Variants in NCS1 observed in about 807,000 individuals in gnomAD.
NCS1 encodes neuronal calcium sensor 1.
In NCS1, 6 loss-of-function variants were observed where a neutral mutation model predicts 28.4. The ratio of observed to expected loss-of-function variants is 0.21; its 90% confidence interval spans 0.12 to 0.42. NCS1 has a LOEUF of 0.42. Among genes scored for constraint, NCS1 ranks in the 10% least tolerant of loss-of-function variants. The probability of loss-of-function intolerance (pLI) is 1.00; values close to 1 mark genes in which losing one functional copy is unlikely to be tolerated. For missense variants in NCS1, 131 were observed against 241.4 expected (o/e 0.54, Z 3.03); for synonymous variants, 86 against 99.3 (o/e 0.87, Z 0.79).
intron 2 of NCS1, among the ~76,000 whole-genome samples, chr9:130,213,951 C>T (rs1023390735): frequency 6.6e-6 from 1 of 152,232 alleles, no homozygotes; most frequent in Non-Finnish European, 1.5e-5. Flanking sequence ...GGTCCCTGTT[C>T]CATGGGGCTC....
chr9:130,221,439 G>GAGAGAA lies in NCS1; in HGVS notation c.308-1206_308-1205insAAGAGA, dbSNP rs2131154623. Among the ~76,000 whole-genome samples, 2 of 138,772 alleles carry GAGAGAA rather than the reference G, an allele frequency of 1.4e-5. 1 individual carries two copies. Among genetic ancestry groups the GAGAGAA allele is most frequent in the South Asian group, 4.5e-4 (2 of 4,464 alleles). 91.0% of individuals were successfully genotyped at this position (138,772 alleles called of 152,430 possible). A position where few individuals can be genotyped will look rare whatever the true frequency, so the allele number is the denominator to read the frequency against. Reference sequence around the variant, plus strand: ...AGAGAGAGAGAGAGAGAGAGAGAGAGAGAGAGAGAGAGAAAGAGAGAGTCT... The same window carrying GAGAGAA: ...AGAGAGAGAGAGAGAGAGAGAGAGAGAGAGAAAGAGAGAGAGAGAAAGAGAGAGTCT... On this transcript the variant is annotated intron_variant, in intron 4 of 7. Coordinates refer to ENST00000372398, the MANE Select transcript of NCS1 (RefSeq NM_014286.4).
rs1331251575 is a variant in NCS1, at chr9:130,192,343, G to T, written c.65-8615G>T. Reference sequence around the variant, plus strand: ...CTGCCGCCCTTGTCCAAGGTCGAGGGTTAATGAGTCTGGGGCCCGGCCACG... The same window carrying T: ...CTGCCGCCCTTGTCCAAGGTCGAGGTTTAATGAGTCTGGGGCCCGGCCACG... On this transcript the variant is annotated intron_variant, in intron 1 of 7. Coordinates refer to ENST00000372398, the MANE Select transcript of NCS1 (RefSeq NM_014286.4). This position sits in a 1 kb window ranked among gnomAD's most constrained non-coding sequence, Gnocchi z 4.8. Among the ~76,000 whole-genome samples, 1 of 152,104 alleles carries T rather than the reference G, an allele frequency of 6.6e-6. No homozygotes were observed.
At chr9:130,198,911 A>G (rs1251865166) in intron 1 of NCS1, among the ~76,000 whole-genome samples, 3 of 152,156 alleles carry the variant, frequency 2.0e-5, no homozygotes, top group South Asian at 2.1e-4. Context: ...AGCTGCCATC[A>G]CAGGCAGCCA....
At position 130,226,105 on chromosome 9, in the gene NCS1, G is replaced by C. The variant is rs1378429057; in HGVS notation, c.475-284G>C. On this transcript the variant is annotated intron_variant, in intron 6 of 7. Transcript: ENST00000372398. This position sits in a 1 kb window ranked among gnomAD's most constrained non-coding sequence, Gnocchi z 4.8. ...CGTGTGGAGTTACAGGGCACTTCCA[G>C]TTGGTCAAGCACAGAGCTGTCACCC... Among the ~76,000 whole-genome samples the C allele has an allele frequency of 6.6e-6, 1 of 152,220 alleles. No individual in the cohort carries two copies. Among genetic ancestry groups the C allele is most frequent in the Non-Finnish European group, 1.5e-5 (1 of 68,046 alleles).
chr9:130,217,174 G>A (rs1295952228), intron 2 of NCS1, among the ~76,000 whole-genome samples: 1 of 152,252 alleles, frequency 6.6e-6, no homozygotes, highest in Non-Finnish European at 1.5e-5. Context: ...GCAGAGATCT[G>A]TCCTGGGATT....
chr9:130,190,032 A>AAGAGAGAGAGAGAGAGAGAG (rs34529294), intron 1 of NCS1, among the ~76,000 whole-genome samples: 306 of 120,490 alleles, frequency 2.5e-3, no homozygotes, highest in African/African-American at 5.4e-3. Flanking sequence ...ATGTTTATGC[A>AAGAGAGAGAGAGAGAGAGAG]AGAGAGAGAG....
chr9:130,227,686 C>T (rs1753726970), intron 7 of NCS1, among the ~76,000 whole-genome samples: 1 of 152,136 alleles, frequency 6.6e-6, no homozygotes, highest in African/African-American at 2.4e-5. Context: ...AGTGTATCAC[C>T]CATTTTAATG....
chr9:130,207,120 C>T (rs1316205562), intron 2 of NCS1, among the ~76,000 whole-genome samples: 1 of 152,232 alleles, frequency 6.6e-6, no homozygotes, highest in African/African-American at 2.4e-5. Context: ...ATCCCAGCCC[C>T]TGGCCACACG....
Position 130,203,549 on chromosome 9 carries a change from A to G in NCS1, c.89+2567A>G, listed in dbSNP as rs773129813. On this transcript the variant is annotated intron_variant, in intron 2 of 7. Transcript: ENST00000372398. ...TTGCTGGGTGGCCGGTAAGGGACAG[A>G]CGTGAGCAGCTGTCCCCCACGCCCA... 2.6e-3 allele frequency among the ~76,000 whole-genome samples: 403 copies of G among 152,284 alleles called. 2 individuals carry two copies. Among genetic ancestry groups the G allele is most frequent in the Non-Finnish European group, 4.3e-3 (294 of 68,006 alleles).
In NCS1 at chr9:130,203,746, T is replaced by C. The variant is rs77990786; in HGVS notation, c.89+2764T>C. On this transcript the variant is annotated intron_variant, in intron 2 of 7. Coordinates refer to ENST00000372398, the MANE Select transcript of NCS1 (RefSeq NM_014286.4). ...TGGGGATGCTTCCCAAGCACCGCTG[T>C]GAGCCAGCCAGGCTCTCAGACACAG... 5.9e-5 allele frequency among the ~76,000 whole-genome samples: 9 copies of C among 152,304 alleles called. No homozygotes were observed. In the East Asian group the frequency reaches 1.7e-3, roughly 29 times the overall value.
At chr9:130,205,537 G>GGAA (rs1196575184) in intron 2 of NCS1, among the ~76,000 whole-genome samples, 1 of 115,190 alleles carries the variant, frequency 8.7e-6, no homozygotes, top group Non-Finnish European at 1.7e-5. Context: ...TCGTCTCTTA[G>GGAA]AAAAAAAAAA....
intron 2 of NCS1, among the ~76,000 whole-genome samples, chr9:130,206,044 G>A (rs1285753114): frequency 2.6e-5 from 4 of 152,058 alleles, no homozygotes; most frequent in Non-Finnish European, 5.9e-5. Flanking sequence ...ATCCCCTCAG[G>A]GCGACGCTAG....
At position 130,177,507 on chromosome 9, in the gene NCS1, G is replaced by A. The variant is rs147164956; in HGVS notation, c.64+4780G>A. Among the ~76,000 whole-genome samples, 2,310 of 152,292 alleles carry A rather than the reference G, an allele frequency of 0.015. 30 individuals are homozygous for A. The highest frequency in any genetic ancestry group is 0.018 in the Non-Finnish European group (1,212 of 68,018). On this transcript the variant is annotated intron_variant, in intron 1 of 7. Transcript: ENST00000372398. The surrounding 1 kb of genome is among the most constrained non-coding windows in gnomAD (Gnocchi z 4.4). ...GGCTTCGGCCGTCCCTGTACATCCC[G>A]TGTGCGTGGGCATGAACCAAGGAGG...
intron 1 of NCS1, among the ~76,000 whole-genome samples, chr9:130,183,266 T>C (rs1588109024): frequency 6.6e-6 from 1 of 152,086 alleles, no homozygotes; most frequent in Non-Finnish European, 1.5e-5. Flanking sequence ...TGAGATGCGA[T>C]GTCACCATTT....
intron 2 of NCS1, among the ~76,000 whole-genome samples, chr9:130,208,327 T>G (rs1554908344): frequency 6.6e-6 from 1 of 152,048 alleles, no homozygotes; most frequent in Non-Finnish European, 1.5e-5. Flanking sequence ...TTGCCCAGGC[T>G]GGAGTGCAGT....
rs1214135028 is a variant in NCS1 at position 130,192,404 on chromosome 9, C to T, written c.65-8554C>T. ...CAGAGCCTGTGCCCACCTTCCTGTC[C>T]TCACTCCAGCCCTCTCGGGGGCTGC... On this transcript the variant is annotated intron_variant, in intron 1 of 7. Transcript: ENST00000372398. The surrounding 1 kb of genome is among the most constrained non-coding windows in gnomAD (Gnocchi z 4.8). Among the ~76,000 whole-genome samples the T allele has an allele frequency of 2.0e-5, 3 of 152,014 alleles. No individual in the cohort carries two copies. Among genetic ancestry groups the T allele is most frequent in the Admixed American group, 2.0e-4 (3 of 15,270 alleles).
At chr9:130,208,151 A>G (rs1554908329) in intron 2 of NCS1, among the ~76,000 whole-genome samples, 2 of 136,166 alleles carry the variant, frequency 1.5e-5, no homozygotes, top group East Asian at 4.3e-4. Context: ...GCACCAGTCC[A>G]TGATGGAAAA....
chr9:130,205,164 A>T (rs953862391), intron 2 of NCS1, among the ~76,000 whole-genome samples: 1 of 152,092 alleles, frequency 6.6e-6, no homozygotes, highest in South Asian at 2.1e-4. Context: ...AACCTAGAAA[A>T]TAAGGACTCG....
intron 6 of NCS1, among the ~76,000 whole-genome samples, chr9:130,225,177 G>A (rs1554911231): frequency 6.6e-6 from 1 of 152,248 alleles, no homozygotes; most frequent in East Asian, 1.9e-4. Flanking sequence ...GGGTGACAGA[G>A]TGAGACCCTG....
Sources: gnomAD v4.1 joint callset for allele counts (sites outside exome capture counted in the v4.1 genomes callset) on GRCh38, gnomAD v4.1.1 for gene constraint, Gnocchi (gnomAD v3.1) non-coding constraint, MANE v1.5 for transcripts, NCBI Gene and HGNC (gene_info 2026-07-23, HGNC 2026-07-21) for gene names.